The following TENM3 variants were observed in gnomAD, a reference collection of about 807,000 sequenced individuals.
The protein encoded by TENM3 is teneurin-3.
Under a neutral mutation model 255.1 loss-of-function variants are expected in TENM3, and 63 were observed. That is an observed-to-expected ratio of 0.25 (90% CI 0.20 to 0.30). The LOEUF is 0.30. TENM3 is among the 10% of genes least tolerant of loss of function. The pLI is 1.00. For missense variants in TENM3, 2,929 were observed against 3,461.1 expected (o/e 0.85, Z 3.86); for synonymous variants, 1,306 against 1,322.3 (o/e 0.99, Z 0.27).
At chr4:182,695,803 C>G (rs1317418462) in intron 12 of TENM3, among the ~76,000 whole-genome samples, 1 of 152,212 alleles carries the variant, frequency 6.6e-6, no homozygotes, top group Non-Finnish European at 1.5e-5. Flanking sequence ...GAAGTTTTCT[C>G]CCACCAGGCA....
chr4:181,586,975 T>C, the TENM3 span, among the ~76,000 whole-genome samples: 5 of 152,314 alleles, frequency 3.3e-5, no homozygotes, highest in African/African-American at 1.2e-4. Flanking sequence ...GTTAATCAGC[T>C]CAACCCAAGT....
the TENM3 span, among the ~76,000 whole-genome samples, chr4:181,805,493 C>A: frequency 6.6e-6 from 1 of 152,150 alleles, no homozygotes; most frequent in Admixed American, 6.5e-5. Flanking sequence ...GGAAGAATTT[C>A]CTTGCAGAAT....
intron 12 of TENM3, among the ~76,000 whole-genome samples, chr4:182,691,323 A>G (rs973145691): frequency 1.3e-5 from 2 of 152,196 alleles, no homozygotes; most frequent in Non-Finnish European, 2.9e-5. Context: ...CTTTCTCCAT[A>G]TTATGTGCCA....
the TENM3 span, among the ~76,000 whole-genome samples, chr4:182,035,064 G>T: frequency 1.3e-5 from 2 of 152,016 alleles, no homozygotes; most frequent in Non-Finnish European, 2.9e-5. Context: ...ATGGTTCTTG[G>T]GGGTTTTGTT....
chr4:182,585,091 T>C (rs1279280540), intron 3 of TENM3, among the ~76,000 whole-genome samples: 1 of 152,220 alleles, frequency 6.6e-6, no homozygotes, highest in African/African-American at 2.4e-5. Flanking sequence ...TTTGTTTGAA[T>C]AATTAAGAAA....
At chr4:182,603,840 G>C (rs1033684432) in intron 4 of TENM3, among the ~76,000 whole-genome samples, 1 of 147,888 alleles carries the variant, frequency 6.8e-6, no homozygotes, top group Non-Finnish European at 1.5e-5. Flanking sequence ...CCACTTAAAG[G>C]TTATAAGCTA....
intron 5 of TENM3, among the ~76,000 whole-genome samples, chr4:182,636,460 G>A (rs1477563135): frequency 6.6e-6 from 1 of 152,110 alleles, no homozygotes; most frequent in Non-Finnish European, 1.5e-5. Context: ...CACTTGGCCG[G>A]GCACAGTGGC....
chr4:181,763,123 ATCT>A, the TENM3 span, among the ~76,000 whole-genome samples: 1 of 152,186 alleles, frequency 6.6e-6, no homozygotes, highest in Non-Finnish European at 1.5e-5. Flanking sequence ...AAAAATAGGA[ATCT>A]TCTTTTTTAT....
chr4:182,600,013 T>C (rs890317357), intron 3 of TENM3, among the ~76,000 whole-genome samples: 1 of 152,236 alleles, frequency 6.6e-6, no homozygotes, highest in African/African-American at 2.4e-5. Context: ...TTTTAACTTA[T>C]GACGTATTAG....
intron 3 of TENM3, among the ~76,000 whole-genome samples, chr4:182,583,804 A>G (rs1162533876): frequency 6.6e-6 from 1 of 152,172 alleles, no homozygotes; most frequent in Non-Finnish European, 1.5e-5. Context: ...TTTAATTGTT[A>G]GCATGTGTTT....
chr4:182,781,225 C>A lies in TENM3; in HGVS notation c.5304+6072C>A, dbSNP rs1239707908. ...AGATAGCTCTTATTATTTTGAGATACGTCCCATCAATACCTAATTTATTGA... is the reference window on the plus strand; with the variant it reads ...AGATAGCTCTTATTATTTTGAGATAAGTCCCATCAATACCTAATTTATTGA... On this transcript the variant is annotated intron_variant, in intron 24 of 27. Coordinates refer to ENST00000511685, the MANE Select transcript of TENM3 (RefSeq NM_001080477.4). 2.2e-3 allele frequency among the ~76,000 whole-genome samples: 333 copies of A among 149,900 alleles called. 2 individuals carry two copies. The highest frequency in any genetic ancestry group is 7.8e-3 in the African/African-American group (316 of 40,630).
At chr4:182,429,604 T>C (rs1490864165) in intron 3 of TENM3, among the ~76,000 whole-genome samples, 1 of 152,264 alleles carries the variant, frequency 6.6e-6, no homozygotes, top group Admixed American at 6.5e-5. Flanking sequence ...AAAACTGTTT[T>C]GCCATAACAA....
intron 12 of TENM3, among the ~76,000 whole-genome samples, chr4:182,694,502 G>C (rs192241810): frequency 8.9e-4 from 135 of 152,324 alleles, no homozygotes; most frequent in African/African-American, 3.2e-3. Context: ...ACACAGAGTT[G>C]TATATTGAGC....
At chr4:182,024,387 A>C in the TENM3 span, among the ~76,000 whole-genome samples, 32 of 152,336 alleles carry the variant, frequency 2.1e-4, no homozygotes, top group African/African-American at 7.7e-4. Context: ...TCAAATATTT[A>C]CTACCTGTTA....
the TENM3 span, among the ~76,000 whole-genome samples, chr4:181,608,699 A>G: frequency 5.3e-5 from 8 of 152,184 alleles, no homozygotes; most frequent in African/African-American, 1.9e-4. Flanking sequence ...GGTGTGTAGA[A>G]GATCCTTGAA....
the TENM3 span, among the ~76,000 whole-genome samples, chr4:182,094,759 G>T: frequency 2.2e-4 from 34 of 152,150 alleles, no homozygotes; most frequent in South Asian, 2.1e-3. Context: ...AGACATTAAG[G>T]TAATGACATA....
At chr4:181,667,421 T>G in the TENM3 span, among the ~76,000 whole-genome samples, 1 of 152,300 alleles carries the variant, frequency 6.6e-6, no homozygotes, top group African/African-American at 2.4e-5. Context: ...ATGGTTTGAA[T>G]GCATCCCCCA....
intron 11 of TENM3, among the ~76,000 whole-genome samples, chr4:182,687,765 A>ATGCTGAGT (rs1158286395): frequency 6.6e-6 from 1 of 151,804 alleles, no homozygotes; most frequent in Admixed American, 6.6e-5. Context: ...GATACCTGAG[A>ATGCTGAGT]TGCTGAAATA....
the TENM3 span, among the ~76,000 whole-genome samples, chr4:181,619,519 G>A: frequency 3.3e-5 from 5 of 152,082 alleles, no homozygotes; most frequent in African/African-American, 1.2e-4. Context: ...ACTCATGGGT[G>A]CAAGCAATTC....
Sources: allele counts gnomAD v4.1 joint callset (sites outside exome capture counted in the v4.1 genomes callset), GRCh38; gene constraint gnomAD v4.1.1; transcripts MANE v1.5; gene names NCBI Gene and HGNC (gene_info 2026-07-23, HGNC 2026-07-21).